Variants in CCDC3 observed in about 807,000 individuals in gnomAD.
CCDC3 encodes the protein coiled-coil domain containing 3.
In CCDC3, 24 loss-of-function variants were observed where a neutral mutation model predicts 21.4. The ratio of observed to expected loss-of-function variants is 1.12; its 90% confidence interval spans 0.81 to 1.58. The LOEUF (loss-of-function observed/expected upper bound fraction) is 1.58, where lower values mean the gene tolerates loss of function less well. Among genes scored for constraint, CCDC3 ranks in the 40% most tolerant of loss-of-function variants. The probability of loss-of-function intolerance (pLI) is 0.00; values close to 1 mark genes in which losing one functional copy is unlikely to be tolerated. For missense variants in CCDC3, 425 were observed against 360.9 expected (o/e 1.18, Z -1.44); for synonymous variants, 186 against 166.0 (o/e 1.12, Z -0.93).
intron 3 of CCDC3, among the ~76,000 whole-genome samples, chr10:13,074,429 G>A (rs1057447322): frequency 7.7e-5 from 10 of 130,366 alleles, no homozygotes; most frequent in East Asian, 2.4e-4. Context: ...CAGGTGATCC[G>A]CCCACCTCGA....
chr10:12,944,764 G>A (rs977445356), intron 2 of CCDC3, among the ~76,000 whole-genome samples: 1 of 152,172 alleles, frequency 6.6e-6, no homozygotes, highest in Non-Finnish European at 1.5e-5. Flanking sequence ...TGTTACCTCT[G>A]TAGTACAAAA....
chr10:13,098,710 A>ATTTTTTTTTATTTTTT (rs1832667204), intron 2 of CCDC3: 1 of 64,854 alleles, frequency 1.5e-5, no homozygotes, highest in African/African-American at 6.6e-5. Flanking sequence ...TCCTGCACTG[A>ATTTTTTTTTATTTTTT]TTTTTTTTTT....
rs558578191 is a variant in CCDC3 at position 13,032,379 on chromosome 10, G to A, written c.-2+17295C>T. Among the ~76,000 whole-genome samples, 51 of 152,218 alleles carry A rather than the reference G, an allele frequency of 3.4e-4. 1 individual carries two copies. Among genetic ancestry groups the A allele is most frequent in the African/African-American group, 1.2e-3 (50 of 41,554 alleles). ...GTTATTTATGACAAACCCACAGCCAGTATCATACTGAATGGGCAAAAACTG... is the reference window on the plus strand; with the variant it reads ...GTTATTTATGACAAACCCACAGCCAATATCATACTGAATGGGCAAAAACTG... On this transcript the variant is annotated intron_variant, in intron 5 of 6. Coordinates refer to the CCDC3 transcript ENST00000378839.
chr10:12,928,038 T>C (rs939049056), intron 2 of CCDC3, among the ~76,000 whole-genome samples: 1 of 152,200 alleles, frequency 6.6e-6, no homozygotes, highest in African/African-American at 2.4e-5. Context: ...ATCTGGGAGT[T>C]GTCAGGGAAT....
rs1589044486 is a variant in CCDC3, at chr10:13,028,555, T to C, written c.-2+21119A>G. Among the ~76,000 whole-genome samples, 4 of 152,162 alleles carry C rather than the reference T, an allele frequency of 2.6e-5. 1 individual carries two copies. Among genetic ancestry groups the C allele is most frequent in the East Asian group, 1.9e-4 (1 of 5,164 alleles). On this transcript the variant is annotated intron_variant, in intron 5 of 6. Coordinates refer to the CCDC3 transcript ENST00000378839. ...TCCTAATGTGAGAACTACTCAATTC[T>C]CATCTCATAGAGCACCCACAGATGA... is the stretch of plus-strand genomic sequence containing the variant.
intron 2 of CCDC3, among the ~76,000 whole-genome samples, chr10:12,983,308 C>T (rs1835535638): frequency 6.6e-6 from 1 of 151,158 alleles, no homozygotes; most frequent in Admixed American, 6.6e-5. Context: ...AGTGGTGGCT[C>T]ATGCCTGTAA....
At chr10:12,909,999 C>T (rs946718763) in intron 2 of CCDC3, among the ~76,000 whole-genome samples, 6 of 152,228 alleles carry the variant, frequency 3.9e-5, no homozygotes, top group Admixed American at 3.3e-4. Context: ...TCCGCCCTCC[C>T]GGGGAATGCG....
chr10:13,043,967 T>C (rs1438172401), intron 5 of CCDC3, among the ~76,000 whole-genome samples: 1 of 152,222 alleles, frequency 6.6e-6, no homozygotes, highest in Admixed American at 6.5e-5. Context: ...ATTTACATCC[T>C]CATCAACAGT....
chr10:12,968,709 C>G (rs1013229635), intron 2 of CCDC3, among the ~76,000 whole-genome samples: 11 of 152,018 alleles, frequency 7.2e-5, no homozygotes, highest in Non-Finnish European at 1.3e-4. Flanking sequence ...ACTGTGACAT[C>G]AAAAACACAA....
chr10:13,082,546 G>T (rs1288412909), intron 3 of CCDC3, among the ~76,000 whole-genome samples: 1 of 152,212 alleles, frequency 6.6e-6, no homozygotes, highest in African/African-American at 2.4e-5. Flanking sequence ...TTCCACAAGA[G>T]GTGGTGGAGC....
intron 5 of CCDC3, among the ~76,000 whole-genome samples, chr10:13,010,255 CAAAA>C (rs554297781): frequency 6.6e-6 from 1 of 151,118 alleles, no homozygotes; most frequent in African/African-American, 2.4e-5. Context: ...TTCAAAAAAA[CAAAA>C]AAACAAAAAA....
At chr10:12,948,145 C>A (rs931213804) in intron 2 of CCDC3, among the ~76,000 whole-genome samples, 1 of 152,066 alleles carries the variant, frequency 6.6e-6, no homozygotes, top group African/African-American at 2.4e-5. Context: ...ATAAGTCCCA[C>A]GAGATCTGAT....
chr10:12,966,935 T>C (rs973100105), intron 2 of CCDC3, among the ~76,000 whole-genome samples: 2 of 152,182 alleles, frequency 1.3e-5, no homozygotes, highest in African/African-American at 2.4e-5. Context: ...GGTGTGGAAA[T>C]GGAAACCCAG....
intron 5 of CCDC3, among the ~76,000 whole-genome samples, chr10:13,027,473 G>C (rs1377015135): frequency 1.3e-5 from 2 of 151,998 alleles, no homozygotes; most frequent in East Asian, 3.8e-4. Context: ...ATTGCACTAA[G>C]ACACTGATTA....
chr10:13,020,362 T>G (rs950114544), intron 5 of CCDC3, among the ~76,000 whole-genome samples: 6 of 152,210 alleles, frequency 3.9e-5, no homozygotes, highest in African/African-American at 1.4e-4. Flanking sequence ...CATGAACAGT[T>G]AGCGCGGTTT....
chr10:13,066,597 T>C (rs1471113098), intron 4 of CCDC3, among the ~76,000 whole-genome samples: 1 of 152,188 alleles, frequency 6.6e-6, no homozygotes, highest in Non-Finnish European at 1.5e-5. Flanking sequence ...TTGTATACCA[T>C]GATGAGACAG....
At chr10:13,003,713 T>A (rs1323907570), upstream of CCDC3, among the ~76,000 whole-genome samples, 4 of 152,210 alleles carry the variant, frequency 2.6e-5, no homozygotes, top group Non-Finnish European at 4.4e-5. Context: ...CTGGAAAAGA[T>A]TTGTCTACCC....
At chr10:13,021,746 CTATTT>C (rs1356738304) in intron 5 of CCDC3, among the ~76,000 whole-genome samples, 6 of 151,202 alleles carry the variant, frequency 4.0e-5, no homozygotes, top group African/African-American at 1.2e-4. Context: ...CTCCTCTCCT[CTATTT>C]TTTGTTTTTT....
chr10:12,914,406 C>T (rs144916386), intron 2 of CCDC3, among the ~76,000 whole-genome samples: 3 of 151,872 alleles, frequency 2.0e-5, no homozygotes, highest in Admixed American at 6.6e-5. Context: ...TGTATTTCTG[C>T]GGTATCAGTG....
Sources: gnomAD v4.1 joint callset for allele counts (sites outside exome capture counted in the v4.1 genomes callset) on GRCh38, gnomAD v4.1.1 for gene constraint, MANE v1.5 for transcripts, NCBI Gene and HGNC (gene_info 2026-07-23, HGNC 2026-07-21) for gene names.